Variants in FH observed in about 807,000 individuals in gnomAD.
FH encodes fumarate hydratase, mitochondrial.
FH carries 22 observed loss-of-function variants against 49.4 expected under a neutral mutation model. That is an observed-to-expected ratio of 0.45 (90% CI 0.32 to 0.64). The LOEUF (loss-of-function observed/expected upper bound fraction) is 0.64. FH is among the 30% of genes least tolerant of loss of function. The pLI, the probability that FH is intolerant of heterozygous loss-of-function variation, is 0.05. For synonymous variants in FH, 208 were observed against 223.0 expected (o/e 0.93, Z 0.60); for missense variants, 526 against 641.5 (o/e 0.82, Z 1.95).
intron 9 of FH, 38 bp from the exon 10 acceptor site, chr1:241,498,008 G>A: frequency 6.2e-7 from 1 of 1,610,856 alleles, no homozygotes; most frequent in Non-Finnish European, 8.5e-7. Context: ...TGGGTTAGCA[G>A]TGATATTTGG....
chr1:241,509,390 C>G (rs1660018809), intron 4 of FH, among the ~76,000 whole-genome samples: 1 of 152,046 alleles, frequency 6.6e-6, no homozygotes, highest in Admixed American at 6.6e-5. Flanking sequence ...TGTATAAATG[C>G]CAAAATATTT....
chr1:241,518,473 T>G (rs1660277646), intron 1 of FH, among the ~76,000 whole-genome samples: 2 of 152,220 alleles, frequency 1.3e-5, no homozygotes, highest in African/African-American at 4.8e-5. Context: ...TCTCTGATTC[T>G]GTAGTATAGT....
chr1:241,510,117 T>C (rs893867398), intron 4 of FH, among the ~76,000 whole-genome samples: 3 of 152,200 alleles, frequency 2.0e-5, no homozygotes, highest in African/African-American at 7.2e-5. Context: ...AAATCCCTTA[T>C]ACAATGAACG....
intron 3 of FH, 82 bp downstream of exon 3, chr1:241,513,521 T>C: frequency 9.5e-7 from 1 of 1,047,854 alleles, no homozygotes; most frequent in Non-Finnish European, 1.5e-6. Context: ...ACAGTTCCCC[T>C]TTCCTTCTGC....
chr1:241,510,546 T>C (rs1169117379), intron 4 of FH, among the ~76,000 whole-genome samples: 1 of 151,718 alleles, frequency 6.6e-6, no homozygotes, highest in Non-Finnish European at 1.5e-5. Context: ...TGCAGAAAAA[T>C]TCAACTAACA....
At chr1:241,518,988 C>T (rs935713764) in intron 1 of FH, 1 of 152,320 alleles carries the variant, frequency 6.6e-6, no homozygotes, top group Non-Finnish European at 1.5e-5. Flanking sequence ...ACGGGGGAAA[C>T]CATAGTCAGC....
At chr1:241,498,899 A>C (rs1196433508) in intron 9 of FH, among the ~76,000 whole-genome samples, 1 of 151,216 alleles carries the variant, frequency 6.6e-6, no homozygotes, top group Non-Finnish European at 1.5e-5. Flanking sequence ...GCTATAAAAG[A>C]AAGCATGGGC....
chr1:241,513,857 A>G lies in FH; in HGVS notation c.268-144T>C, dbSNP rs12047049. The G allele has an allele frequency of 2.1e-4, 137 of 666,216 alleles. 1 individual carries two copies. The East Asian group carries it at 3.4e-3, about 17-fold the overall frequency. 41.3% of individuals were successfully genotyped at this position (666,216 alleles called of 1,614,324 possible). ...GCTCTAAAATGTTTCGGTTATAGAG[A>G]AAGATTATAGACAGGAATTCATGAA... On this transcript the variant is annotated intron_variant, in intron 2 of 9. Coordinates refer to ENST00000366560, the MANE Select transcript of FH (RefSeq NM_000143.4).
chr1:241,505,769 A>G (rs1416018568), intron 6 of FH, among the ~76,000 whole-genome samples: 1 of 152,238 alleles, frequency 6.6e-6, no homozygotes, highest in East Asian at 1.9e-4. Flanking sequence ...TAGTAAACAA[A>G]GCTAACACTG....
intron 9 of FH, among the ~76,000 whole-genome samples, chr1:241,499,151 T>C (rs999254109): frequency 2.6e-5 from 4 of 152,164 alleles, no homozygotes; most frequent in African/African-American, 9.7e-5. Flanking sequence ...CAAGACACTA[T>C]TGGCAACCAG....
chr1:241,505,905 T>C, intron 6 of FH, 98 bp downstream of exon 6: 2 of 1,139,696 alleles, frequency 1.8e-6, no homozygotes, highest in Non-Finnish European at 2.6e-6. Flanking sequence ...CATTTCTAAC[T>C]TTAAATTCAC....
chr1:241,509,628 T>G (rs952996247), intron 4 of FH, among the ~76,000 whole-genome samples: 6 of 152,130 alleles, frequency 3.9e-5, no homozygotes, highest in South Asian at 4.1e-4. Context: ...TTTTTAAAGT[T>G]AGCCAGGCAT....
chr1:241,498,694 C>CATACATATATAT (rs1659686033), intron 9 of FH, among the ~76,000 whole-genome samples: 1 of 53,166 alleles, frequency 1.9e-5, no homozygotes, highest in African/African-American at 7.3e-5. Flanking sequence ...GCTGTCTTAA[C>CATACATATATAT]ATATATATAT....
intron 9 of FH, among the ~76,000 whole-genome samples, chr1:241,498,692 A>AT (rs1659685166): frequency 5.5e-5 from 3 of 54,144 alleles, no homozygotes; most frequent in Non-Finnish European, 1.0e-4. Context: ...AAGCTGTCTT[A>AT]ACATATATAT....
intron 9 of FH, 87 bp downstream of exon 9, chr1:241,500,350 T>A: frequency 7.5e-7 from 1 of 1,339,510 alleles, no homozygotes; most frequent in Non-Finnish European, 1.1e-6. Context: ...TTTGCTGTTC[T>A]CAAACACTGA....
intron 5 of FH, among the ~76,000 whole-genome samples, chr1:241,508,006 T>C (rs1659972786): frequency 6.6e-6 from 1 of 152,212 alleles, no homozygotes; most frequent in South Asian, 2.1e-4. Context: ...CTTTCTAATA[T>C]CTTGGAGAAG....
intron 7 of FH, 67 bp downstream of exon 7, chr1:241,503,975 T>C: frequency 6.9e-7 from 1 of 1,445,864 alleles, no homozygotes; most frequent in Non-Finnish European, 9.6e-7. Context: ...AGAGACATGG[T>C]CCATAGCTAA....
At chr1:241,498,709 A>C (rs938699469) in intron 9 of FH, among the ~76,000 whole-genome samples, 1 of 31,974 alleles carries the variant, frequency 3.1e-5, no homozygotes, top group African/African-American at 1.2e-4. Flanking sequence ...ATATATATAT[A>C]TATATATATA....
In FH at chr1:241,497,722, C is replaced by T. The variant is rs1659655833; in HGVS notation, c.*106G>A. 2.9e-6 allele frequency: 3 copies of T among 1,037,820 alleles called. No individual in the cohort carries two copies. The highest frequency in any genetic ancestry group is 2.2e-5 in the Admixed American group (1 of 45,586). 64.3% of individuals were successfully genotyped at this position (1,037,820 alleles called of 1,614,324 possible). ...TGATCAAATTGCTCTGCTAGAGATG[C>T]TTAAGTTCAATAGCAGTTTCCTTTC... On this transcript the variant is annotated 3_prime_UTR_variant, in exon 10 of 10. Coordinates refer to ENST00000366560, the MANE Select transcript of FH (RefSeq NM_000143.4).
Sources: gnomAD v4.1 joint callset for allele counts (sites outside exome capture counted in the v4.1 genomes callset) on GRCh38, gnomAD v4.1.1 for gene constraint, MANE v1.5 for transcripts, NCBI Gene and HGNC (gene_info 2026-07-23, HGNC 2026-07-21) for gene names.